Variants in EYA2 observed in about 807,000 individuals in gnomAD.
EYA2 encodes the protein EYA transcriptional coactivator and phosphatase 2, also known as protein phosphatase EYA2.
A neutral mutation model predicts 69.2 loss-of-function variants in EYA2; 31 were observed. The ratio of observed to expected loss-of-function variants is 0.45; its 90% CI spans 0.34 to 0.60. The LOEUF (loss-of-function observed/expected upper bound fraction) is 0.60. EYA2 is among the 20% of genes least tolerant of loss of function. The pLI is 0.02. For missense variants in EYA2, 622 were observed against 701.2 expected (o/e 0.89, Z 1.28); for synonymous variants, 257 against 279.4 (o/e 0.92, Z 0.80).
At chr20:46,964,567 C>G (rs1979663614) in intron 1 of EYA2, among the ~76,000 whole-genome samples, 1 of 152,226 alleles carries the variant, frequency 6.6e-6, no homozygotes, top group Non-Finnish European at 1.5e-5. Context: ...GTCACCTGTC[C>G]TGTGACGCAG....
intron 1 of EYA2, among the ~76,000 whole-genome samples, chr20:46,945,310 G>C (rs555316217): frequency 6.6e-6 from 1 of 152,164 alleles, no homozygotes; most frequent in Non-Finnish European, 1.5e-5. Flanking sequence ...CGTAAGTGCT[G>C]TTTTAAGAGT....
intron 15 of EYA2, among the ~76,000 whole-genome samples, chr20:47,187,373 A>G (rs192413520): frequency 2.0e-5 from 3 of 152,190 alleles, no homozygotes; most frequent in Admixed American, 2.0e-4. Flanking sequence ...AAGAAAAAAA[A>G]AACTCCACAT....
At chr20:47,104,701 C>G (rs983311906) in intron 9 of EYA2, among the ~76,000 whole-genome samples, 1 of 152,120 alleles carries the variant, frequency 6.6e-6, no homozygotes, top group African/African-American at 2.4e-5. Context: ...CTTTCCCCTA[C>G]TGAATTGTCT....
At chr20:46,944,466 G>A (rs992925198) in intron 1 of EYA2, among the ~76,000 whole-genome samples, 3 of 152,120 alleles carry the variant, frequency 2.0e-5, no homozygotes, top group African/African-American at 7.2e-5. Flanking sequence ...AGGATGTGAG[G>A]TGTGTGGGTG....
intron 9 of EYA2, among the ~76,000 whole-genome samples, chr20:47,105,617 T>C (rs2032551773): frequency 1.1e-5 from 1 of 94,378 alleles, no homozygotes. Flanking sequence ...AGAGCAAGAC[T>C]CTGTCCCAAA....
intron 10 of EYA2, among the ~76,000 whole-genome samples, chr20:47,164,981 C>G (rs927789589): frequency 3.3e-5 from 5 of 152,312 alleles, no homozygotes; most frequent in Middle Eastern, 3.4e-3. Flanking sequence ...CCTCACCCCT[C>G]TAGAGCAGCG....
chr20:47,071,939 C>G, intron 5 of EYA2: 1 of 530,208 alleles, frequency 1.9e-6, no homozygotes, highest in Non-Finnish European at 3.4e-6. Flanking sequence ...TCAGCAAGCA[C>G]TTGGAAGCAC....
intron 1 of EYA2, among the ~76,000 whole-genome samples, chr20:46,909,070 T>A (rs1005554003): frequency 1.3e-5 from 2 of 151,948 alleles, no homozygotes; most frequent in Non-Finnish European, 2.9e-5. Flanking sequence ...TCTCCGCTCA[T>A]CATGGGGAAA....
chr20:47,152,608 C>T (rs1244604550), intron 10 of EYA2, among the ~76,000 whole-genome samples: 5 of 151,560 alleles, frequency 3.3e-5, no homozygotes, highest in East Asian at 2.0e-4. Flanking sequence ...GTCAGGGCTT[C>T]GAGACCAGCC....
chr20:47,156,089 TACACACACACACACACACAC>T lies in EYA2; in HGVS notation c.978+12961_978+12980del, dbSNP rs748282079. On this transcript the variant is annotated intron_variant, in intron 10 of 15. Transcript: ENST00000327619. ...ACACACACACACACATATATATACA[TACACACACACACACACACAC>T]ACACACACACACACACACATATATA... 2.4e-3 allele frequency among the ~76,000 whole-genome samples: 75 copies of T among 30,934 alleles called. 3 individuals are homozygous for T. The highest frequency in any genetic ancestry group is 7.4e-3 in the African/African-American group (72 of 9,666). The allele number at this position is 30,934 out of a possible 152,430, so 20.3% of individuals were successfully genotyped here.
At chr20:46,950,684 TC>T (rs1233335006) in intron 1 of EYA2, among the ~76,000 whole-genome samples, 1 of 151,962 alleles carries the variant, frequency 6.6e-6, no homozygotes, top group Non-Finnish European at 1.5e-5. Context: ...CTGTGCAGAG[TC>T]TGGAGTAGTT....
chr20:47,165,578 G>C (rs1345294028), intron 10 of EYA2, among the ~76,000 whole-genome samples: 1 of 152,198 alleles, frequency 6.6e-6, no homozygotes, highest in South Asian at 2.1e-4. Context: ...TCCAAACCCA[G>C]GGTGCTGCCC....
intron 1 of EYA2, among the ~76,000 whole-genome samples, chr20:46,903,565 C>G (rs1476912646): frequency 2.0e-5 from 3 of 152,196 alleles, no homozygotes; most frequent in African/African-American, 4.8e-5. Context: ...GGTTACACTT[C>G]CCCTCAGTGT....
intron 12 of EYA2, among the ~76,000 whole-genome samples, chr20:47,179,339 T>C (rs2034487712): frequency 2.0e-5 from 1 of 50,344 alleles, no homozygotes; most frequent in Non-Finnish European, 3.9e-5. Context: ...TGTGGGTAGA[T>C]TGATGGGTGG....
chr20:47,103,107 G>A (rs947078180), intron 9 of EYA2, among the ~76,000 whole-genome samples: 1 of 151,898 alleles, frequency 6.6e-6, no homozygotes. Context: ...ATTTTATTGA[G>A]ATACAATCTA....
chr20:46,947,437 A>G (rs1338165905), intron 1 of EYA2, among the ~76,000 whole-genome samples: 2 of 152,144 alleles, frequency 1.3e-5, no homozygotes, highest in Non-Finnish European at 2.9e-5. Flanking sequence ...CACAAACCAC[A>G]CAAAACACAT....
chr20:47,001,545 G>A, intron 3 of EYA2, 72 bp downstream of exon 3: 2 of 1,494,948 alleles, frequency 1.3e-6, no homozygotes, highest in Non-Finnish European at 1.9e-6. Flanking sequence ...GAGGTTAAGA[G>A]AGAGGGCCCT....
rs2034505329 is a variant in EYA2 at position 47,179,898 on chromosome 20, C to T, written c.1299C>T (p.Asn433=). 6.2e-7 allele frequency: 1 copy of T among 1,613,690 alleles called. No homozygotes were observed. Residue 433 remains asparagine, a synonymous_variant, in exon 13 of 16, where the codon AAC becomes AAT. Coordinates refer to ENST00000327619, the MANE Select transcript of EYA2 (RefSeq NM_005244.5). ...TGACCCACTCCCTGAAGGCACTAAA[C>T]CTCATCAACTCCCGGCAAGTGGCAG... ...LWLTHSLKAL[N]LINSRPNCVN...
chr20:47,188,276 C>T lies in EYA2; in HGVS notation c.*143C>T. 2 of 709,130 alleles carry T rather than the reference C, an allele frequency of 2.8e-6. No individual in the cohort carries two copies. The highest frequency in any genetic ancestry group is 2.7e-5 in the East Asian group (1 of 37,078). The allele number at this position is 709,130 out of a possible 1,614,324, so 43.9% of individuals were successfully genotyped here. A position where few individuals can be genotyped will look rare whatever the true frequency, so the allele number is the denominator to read the frequency against. ...GAGACGACGTGTCCAGTGACCATCTCAGAAGCCGTCCATCAGTCCAAATGG... is the reference window on the plus strand; with the variant it reads ...GAGACGACGTGTCCAGTGACCATCTTAGAAGCCGTCCATCAGTCCAAATGG... On this transcript the variant is annotated 3_prime_UTR_variant, in exon 16 of 16. Coordinates refer to ENST00000327619, the MANE Select transcript of EYA2 (RefSeq NM_005244.5).
Sources: gnomAD v4.1 joint callset for allele counts (sites outside exome capture counted in the v4.1 genomes callset) on GRCh38, gnomAD v4.1.1 for gene constraint, MANE v1.5 for transcripts, NCBI Gene and HGNC (gene_info 2026-07-23, HGNC 2026-07-21) for gene names.